ICA1L: variants seen among roughly 807,000 people sequenced by gnomAD.
ICA1L encodes islet cell autoantigen 1 like.
ICA1L carries 50 observed loss-of-function variants against 61.3 expected under a neutral mutation model. That is an observed-to-expected ratio of 0.82 (90% CI 0.65 to 1.03). The LOEUF (loss-of-function observed/expected upper bound fraction) is 1.03, where lower values mean the gene tolerates loss of function less well. ICA1L is among the 50% of genes least tolerant of loss of function. The pLI, the probability that ICA1L is intolerant of heterozygous loss-of-function variation, is 0.00. For synonymous variants in ICA1L, 161 were observed against 191.3 expected (o/e 0.84, Z 1.31); for missense variants, 508 against 556.7 (o/e 0.91, Z 0.88).
chr2:202,854,898 C>T (rs1430576145), intron 1 of ICA1L, among the ~76,000 whole-genome samples: 3 of 151,902 alleles, frequency 2.0e-5, no homozygotes, highest in Admixed American at 2.0e-4. Context: ...TGGTGGTGGG[C>T]GCCTGTAGTC....
intron 1 of ICA1L, chr2:202,840,706 G>A: frequency 5.0e-6 from 3 of 602,390 alleles, no homozygotes; most frequent in Non-Finnish European, 9.6e-6. Context: ...CCCGCTGCAG[G>A]GCAGCCTCCA....
chr2:202,778,482 C>T lies in ICA1L; in HGVS notation c.*1051G>A, dbSNP rs1692293840. Reference sequence around the variant, plus strand: ...GGGAAGTAGAAAAATGAGACACTCCCTTATTGATCACACAGAGCTTTCTGT... The same window carrying T: ...GGGAAGTAGAAAAATGAGACACTCCTTTATTGATCACACAGAGCTTTCTGT... On this transcript the variant is annotated 3_prime_UTR_variant, in exon 13 of 13. Coordinates refer to ENST00000358299, the MANE Select transcript of ICA1L (RefSeq NM_001288622.3). 6.6e-6 allele frequency: 1 copy of T among 152,092 alleles called. No homozygotes were observed. Among genetic ancestry groups the T allele is most frequent in the Non-Finnish European group, 1.5e-5 (1 of 67,998 alleles). The allele number at this position is 152,092 out of a possible 1,614,324, so 9.4% of individuals were successfully genotyped here.
intron 1 of ICA1L, among the ~76,000 whole-genome samples, chr2:202,863,075 T>G (rs1451935219): frequency 6.6e-6 from 1 of 151,528 alleles, no homozygotes; most frequent in Non-Finnish European, 1.5e-5. Context: ...GCAGATCACT[T>G]GAGGTCAGGA....
chr2:202,796,197 G>T (rs905172061), intron 10 of ICA1L, among the ~76,000 whole-genome samples: 2 of 152,024 alleles, frequency 1.3e-5, no homozygotes, highest in Non-Finnish European at 2.9e-5. Flanking sequence ...AAGCATAAGA[G>T]AATTCTTCTA....
At chr2:202,859,930 G>A (rs534736473) in intron 1 of ICA1L, among the ~76,000 whole-genome samples, 53 of 152,154 alleles carry the variant, frequency 3.5e-4, no homozygotes, top group African/African-American at 1.3e-3. Flanking sequence ...CATAAAGGAA[G>A]TAGCCAAGAC....
At chr2:202,792,271 G>GA (rs1430574884) in intron 10 of ICA1L, among the ~76,000 whole-genome samples, 4 of 152,104 alleles carry the variant, frequency 2.6e-5, no homozygotes, top group Non-Finnish European at 4.4e-5. Flanking sequence ...CAATTATTTT[G>GA]AAAAAAGTTT....
intron 9 of ICA1L, among the ~76,000 whole-genome samples, chr2:202,804,100 A>G (rs551603188): frequency 1.3e-5 from 2 of 152,212 alleles, no homozygotes; most frequent in Non-Finnish European, 2.9e-5. Flanking sequence ...GGCACGTAGT[A>G]CATTCTGTAT....
chr2:202,794,054 C>T (rs965874085), intron 10 of ICA1L, among the ~76,000 whole-genome samples: 1 of 151,054 alleles, frequency 6.6e-6, no homozygotes, highest in Non-Finnish European at 1.5e-5. Context: ...AATGACAAAG[C>T]TGGACTTACA....
intron 4 of ICA1L, 114 bp downstream of exon 4, chr2:202,821,244 C>G: frequency 1.0e-6 from 1 of 965,372 alleles, no homozygotes. Flanking sequence ...ATATATTTCT[C>G]TTTAACCCTT....
rs531626299 is a variant in ICA1L, at chr2:202,818,896, C to G, written c.558+805G>C. On this transcript the variant is annotated intron_variant, in intron 5 of 12. Transcript: ENST00000358299. ...AAAAATTGAGGTGAAAGTTGCATAA[C>G]ATACAATTAGCAATTTTAAAGTGTT... Among the ~76,000 whole-genome samples, 16 of 152,324 alleles carry G rather than the reference C, an allele frequency of 1.1e-4. No individual in the cohort carries two copies. In the South Asian group the frequency reaches 1.5e-3, roughly 14 times the overall value.
rs528639408 is a variant in ICA1L, at chr2:202,790,560, C to T, written c.986-1473G>A. On this transcript the variant is annotated intron_variant, in intron 10 of 12. Coordinates refer to ENST00000358299, the MANE Select transcript of ICA1L (RefSeq NM_001288622.3). ...CCAGCTGTCAGTCAAGGGCTAGCTTCCCAGGAGGAGTAAGATGCCAGCATT... is the reference window on the plus strand; with the variant it reads ...CCAGCTGTCAGTCAAGGGCTAGCTTTCCAGGAGGAGTAAGATGCCAGCATT... Among the ~76,000 whole-genome samples the T allele has an allele frequency of 2.6e-5, 4 of 152,258 alleles. No homozygotes were observed. The East Asian group carries it at 7.7e-4, about 29-fold the overall frequency.
At chr2:202,780,999 C>T (rs762099373) in intron 12 of ICA1L, among the ~76,000 whole-genome samples, 14 of 152,106 alleles carry the variant, frequency 9.2e-5, no homozygotes, top group Non-Finnish European at 1.3e-4. Flanking sequence ...TAAGATAATA[C>T]CTGACCTCCT....
At chr2:202,840,692 T>G (rs1694302939) in intron 1 of ICA1L, 1 of 600,060 alleles carries the variant, frequency 1.7e-6, no homozygotes, top group Admixed American at 1.9e-5. Flanking sequence ...CATGTCCTGC[T>G]TGGCCCGCTG....
At chr2:202,809,750 T>C (rs1693322726) in intron 9 of ICA1L, among the ~76,000 whole-genome samples, 1 of 151,840 alleles carries the variant, frequency 6.6e-6, no homozygotes, top group African/African-American at 2.4e-5. Context: ...GATTGTGCCA[T>C]TGCACTCGAG....
chr2:202,840,536 G>C, intron 1 of ICA1L: 1 of 548,764 alleles, frequency 1.8e-6, no homozygotes, highest in South Asian at 1.4e-5. Flanking sequence ...ATAGCCACTG[G>C]TGGTCTTCAT....
At chr2:202,848,043 A>C (rs1694515256) in intron 1 of ICA1L, among the ~76,000 whole-genome samples, 1 of 152,176 alleles carries the variant, frequency 6.6e-6, no homozygotes, top group Non-Finnish European at 1.5e-5. Context: ...GTACACATGG[A>C]CATAAAGATG....
At chr2:202,821,606 G>T in intron 3 of ICA1L, 125 bp from the exon 4 acceptor site, 1 of 654,788 alleles carries the variant, frequency 1.5e-6, no homozygotes, top group Non-Finnish European at 2.4e-6. Flanking sequence ...GAAGAAGAGA[G>T]ACTTATTTTT....
At chr2:202,809,722 G>A (rs1693321986) in intron 9 of ICA1L, among the ~76,000 whole-genome samples, 1 of 152,056 alleles carries the variant, frequency 6.6e-6, no homozygotes, top group Admixed American at 6.5e-5. Flanking sequence ...CCAGGAGGCA[G>A]AGGTTGCAGT....
chr2:202,836,836 G>GAT (rs373098367), intron 1 of ICA1L, among the ~76,000 whole-genome samples: 13 of 145,832 alleles, frequency 8.9e-5, no homozygotes, highest in Admixed American at 2.1e-4. Flanking sequence ...TATAGATACA[G>GAT]ATATATAGAT....
Sources: gnomAD v4.1 joint callset for allele counts (sites outside exome capture counted in the v4.1 genomes callset) on GRCh38, gnomAD v4.1.1 for gene constraint, MANE v1.5 for transcripts, NCBI Gene and HGNC (gene_info 2026-07-23, HGNC 2026-07-21) for gene names.